Variants in TBC1D8 observed in about 807,000 individuals in gnomAD.
The protein encoded by TBC1D8 is TBC1 domain family member 8.
TBC1D8 carries 65 observed loss-of-function variants against 118.8 expected under a neutral mutation model. The observed-to-expected ratio is 0.55, with a 90% CI of 0.45 to 0.67. The LOEUF (loss-of-function observed/expected upper bound fraction) is 0.67, where lower values mean the gene tolerates loss of function less well. TBC1D8 is among the 30% of genes least tolerant of loss of function. The pLI is 0.00. For synonymous variants in TBC1D8, 566 were observed against 595.8 expected (o/e 0.95, Z 0.73); for missense variants, 1,376 against 1,471.2 (o/e 0.94, Z 1.06).
At chr2:101,008,463 C>T (rs1309869978) in intron 19 of TBC1D8, among the ~76,000 whole-genome samples, 190 bp from the exon 20 acceptor site, 5 of 152,206 alleles carry the variant, frequency 3.3e-5, no homozygotes, top group African/African-American at 9.7e-5. Flanking sequence ...TCAGCACAGA[C>T]TTGGAAATGG....
intron 2 of TBC1D8, among the ~76,000 whole-genome samples, chr2:101,069,630 G>T (rs1360092348): frequency 1.3e-5 from 2 of 151,936 alleles, no homozygotes; most frequent in East Asian, 3.9e-4. Context: ...AGAAAATAAG[G>T]TGCAATGAAA....
In TBC1D8 at chr2:101,142,968, CCTAA is replaced by C. The variant is rs949169076; in HGVS notation, c.127+8155_127+8158del. ...ATACTCTTATGCACACCGAAAAGTT[CCTAA>C]CTAAGAAACAAACCATAAAATGCAG... On this transcript the variant is annotated intron_variant, in intron 1 of 19. Transcript: ENST00000409318. 2.9e-4 allele frequency among the ~76,000 whole-genome samples: 44 copies of C among 152,208 alleles called. 1 individual carries two copies. The highest frequency in any genetic ancestry group is 9.6e-4 in the African/African-American group (40 of 41,520).
chr2:101,131,006 C>T (rs1010832822), intron 1 of TBC1D8, among the ~76,000 whole-genome samples: 2 of 152,222 alleles, frequency 1.3e-5, no homozygotes, highest in African/African-American at 4.8e-5. Context: ...TAATACACAA[C>T]CTGCCCTGCT....
chr2:101,030,963 C>T (rs1246410344), intron 11 of TBC1D8, among the ~76,000 whole-genome samples: 1 of 152,196 alleles, frequency 6.6e-6, no homozygotes, highest in African/African-American at 2.4e-5. Context: ...GAACTCAGTA[C>T]CAGGTGTTGC....
chr2:101,124,644 C>T (rs1449091749), intron 1 of TBC1D8, among the ~76,000 whole-genome samples: 1 of 152,142 alleles, frequency 6.6e-6, no homozygotes, highest in African/African-American at 2.4e-5. Context: ...GGCAGCAGAG[C>T]CCACCATAAG....
At chr2:101,072,955 A>T (rs1674549439) in intron 2 of TBC1D8, among the ~76,000 whole-genome samples, 1 of 152,132 alleles carries the variant, frequency 6.6e-6, no homozygotes, top group Non-Finnish European at 1.5e-5. Flanking sequence ...GGGACAAAAC[A>T]CCCAAATCAT....
chr2:101,036,444 G>A (rs536955987), intron 8 of TBC1D8, among the ~76,000 whole-genome samples: 1 of 141,440 alleles, frequency 7.1e-6, no homozygotes, highest in Admixed American at 7.3e-5. Context: ...TAGCAAGGCT[G>A]ATAACAAGGG....
Position 101,037,722 on chromosome 2 carries a change from GAGAC to G in TBC1D8, c.1276-18_1276-15del. 6.2e-7 allele frequency: 1 copy of G among 1,610,926 alleles called. No individual in the cohort carries two copies. The highest frequency in any genetic ancestry group is 1.3e-5 in the African/African-American group (1 of 75,060). ...CACGAGTGAAGCCTGCACAGCAAGA[GAGAC>G]AGAGACAGAGAGAGAGAGGAGAGGA... is the stretch of plus-strand genomic sequence containing the variant. On this transcript the variant is annotated splice_polypyrimidine_tract_variant and intron_variant, in intron 7 of 19. Coordinates refer to ENST00000409318, the MANE Select transcript of TBC1D8 (RefSeq NM_001330348.2).
At chr2:101,128,145 T>C (rs931449506) in intron 1 of TBC1D8, among the ~76,000 whole-genome samples, 1 of 152,212 alleles carries the variant, frequency 6.6e-6, no homozygotes, top group African/African-American at 2.4e-5. Context: ...ACCTTAGGTA[T>C]AGATGTAACT....
At chr2:101,125,965 G>A (rs956464581) in intron 1 of TBC1D8, among the ~76,000 whole-genome samples, 16 of 152,146 alleles carry the variant, frequency 1.1e-4, no homozygotes, top group African/African-American at 3.9e-4. Context: ...TTATAATGCT[G>A]TCTTAGTCCA....
chr2:101,033,694 C>A lies in TBC1D8; in HGVS notation c.1668G>T (p.Gly556=). 3 of 1,613,962 alleles carry A rather than the reference C, an allele frequency of 1.9e-6. No individual in the cohort carries two copies. Among genetic ancestry groups the A allele is most frequent in the Non-Finnish European group, 2.5e-6 (3 of 1,179,884 alleles). Residue 556 remains glycine (G), a synonymous_variant, in exon 10 of 20, where the codon GGG becomes GGT. Transcript: ENST00000409318. ...YYGNLVEESL[G]KCCLVTEEIE... ...TCTCCTCGGTTACCAGGCAGCATTT[C>A]CCCAGGGACTCCTCCACCAGATTCC...
intron 1 of TBC1D8, among the ~76,000 whole-genome samples, chr2:101,124,481 A>G (rs1678266456): frequency 6.6e-6 from 1 of 152,206 alleles, no homozygotes; most frequent in Non-Finnish European, 1.5e-5. Flanking sequence ...CTAACACTAA[A>G]AAACAACTCT....
intron 2 of TBC1D8, among the ~76,000 whole-genome samples, chr2:101,078,209 T>C (rs1057160290): frequency 1.3e-5 from 2 of 152,210 alleles, no homozygotes; most frequent in African/African-American, 4.8e-5. Flanking sequence ...TTCAGACAGC[T>C]CTGTACATAT....
rs779717852 is a variant in TBC1D8 at position 101,138,043 on chromosome 2, G to C, written c.127+13084C>G. On this transcript the variant is annotated intron_variant, in intron 1 of 19. Transcript: ENST00000409318. ...TCACTCATGGCAGAAGGCAAAGTGAGAGCAGGCATCTTCATACGACCGGAG... is the reference window on the plus strand; with the variant it reads ...TCACTCATGGCAGAAGGCAAAGTGACAGCAGGCATCTTCATACGACCGGAG... Among the ~76,000 whole-genome samples the C allele has an allele frequency of 7.2e-5, 11 of 152,326 alleles. No homozygotes were observed. The South Asian group carries it at 2.1e-3, about 29-fold the overall frequency.
At chr2:101,105,681 A>G (rs1408042955) in intron 1 of TBC1D8, among the ~76,000 whole-genome samples, 1 of 151,994 alleles carries the variant, frequency 6.6e-6, no homozygotes, top group Non-Finnish European at 1.5e-5. Context: ...ATACCATTAT[A>G]TACTTAATAG....
chr2:101,085,280 G>A (rs1558687582), intron 2 of TBC1D8, among the ~76,000 whole-genome samples: 1 of 152,116 alleles, frequency 6.6e-6, no homozygotes, highest in Admixed American at 6.5e-5. Context: ...ATGCTGTGTG[G>A]CCATTAAGAA....
At chr2:101,023,327 G>A (rs1680153875) in intron 15 of TBC1D8, among the ~76,000 whole-genome samples, 1 of 151,834 alleles carries the variant, frequency 6.6e-6, no homozygotes, top group South Asian at 2.1e-4. Flanking sequence ...TGTATTTTTA[G>A]TAGAGATGGG....
rs1027196988 is a variant in TBC1D8, at chr2:101,093,601, G to T, written c.128-3237C>A. ...GTGGTGGTACACGCCTGTAATCCTA[G>T]CTACTCAGGAGGCTGAGGCAGGAGA... On this transcript the variant is annotated intron_variant, in intron 1 of 19. Transcript: ENST00000409318. 3.3e-5 allele frequency among the ~76,000 whole-genome samples: 5 copies of T among 151,828 alleles called. No homozygotes were observed. The South Asian group carries it at 1.0e-3, about 32-fold the overall frequency.
chr2:101,023,805 G>A (rs1350062462), intron 15 of TBC1D8: 1 of 277,870 alleles, frequency 3.6e-6, no homozygotes, highest in Non-Finnish European at 7.6e-6. Flanking sequence ...AGTAACTGCA[G>A]GGTTCTTGAC....
Sources: gnomAD v4.1 joint callset for allele counts (sites outside exome capture counted in the v4.1 genomes callset) on GRCh38, gnomAD v4.1.1 for gene constraint, MANE v1.5 for transcripts, NCBI Gene and HGNC (gene_info 2026-07-23, HGNC 2026-07-21) for gene names.